Variants in PDE3A observed in about 807,000 individuals in gnomAD.
PDE3A encodes cGMP-inhibited 3',5'-cyclic phosphodiesterase 3A.
In PDE3A, 43 loss-of-function variants were observed where a neutral mutation model predicts 98.3. The observed-to-expected ratio is 0.44, with a 90% CI of 0.34 to 0.56. The LOEUF (loss-of-function observed/expected upper bound fraction) is 0.56, where lower values mean the gene tolerates loss of function less well. PDE3A is among the 20% of genes least tolerant of loss of function. The probability of loss-of-function intolerance (pLI) is 0.01; values close to 1 mark genes in which losing one functional copy is unlikely to be tolerated. For missense variants in PDE3A, 1,427 were observed against 1,440.7 expected, an observed-to-expected ratio of 0.99 and a Z score of 0.15; for synonymous variants, 663 against 567.9, an observed-to-expected ratio of 1.17 and a Z score of -2.38.
chr12:20,654,928 T>A (rs920700360), intron 15 of PDE3A, among the ~76,000 whole-genome samples: 2 of 152,136 alleles, frequency 1.3e-5, no homozygotes, highest in African/African-American at 2.4e-5. Flanking sequence ...GGAGGTAGTA[T>A]TCATTTGTTC....
chr12:20,573,858 G>C (rs866581543), intron 2 of PDE3A, among the ~76,000 whole-genome samples: 1 of 151,964 alleles, frequency 6.6e-6, no homozygotes, highest in African/African-American at 2.4e-5. Context: ...GTCAATCTTC[G>C]AGTAGTGGGT....
chr12:20,387,165 G>T (rs1041610526), intron 1 of PDE3A, among the ~76,000 whole-genome samples: 1 of 152,056 alleles, frequency 6.6e-6, no homozygotes, highest in Admixed American at 6.6e-5. Context: ...TGCTGATTTG[G>T]TTACTGTGGC....
chr12:20,517,181 A>T (rs1485686111), intron 1 of PDE3A, among the ~76,000 whole-genome samples: 1 of 152,238 alleles, frequency 6.6e-6, no homozygotes, highest in Admixed American at 6.5e-5. Flanking sequence ...CTTTCAGAGT[A>T]GCTAGTGCCA....
At chr12:20,611,754 A>C (rs770379054) in intron 2 of PDE3A, among the ~76,000 whole-genome samples, 3 of 151,816 alleles carry the variant, frequency 2.0e-5, no homozygotes, top group Admixed American at 1.3e-4. Flanking sequence ...ATATTTTTCT[A>C]ATTACAAGAA....
chr12:20,373,947 C>T (rs1227920826), intron 1 of PDE3A, among the ~76,000 whole-genome samples: 4 of 152,122 alleles, frequency 2.6e-5, no homozygotes, highest in Admixed American at 2.6e-4. Flanking sequence ...ATGTAGAATA[C>T]ATTGTTTAAA....
intron 1 of PDE3A, chr12:20,371,350 A>C (rs1053820583): frequency 1.0e-6 from 1 of 985,102 alleles, no homozygotes. Flanking sequence ...TGGATTTGAC[A>C]CTTGATGGGG....
intron 1 of PDE3A, among the ~76,000 whole-genome samples, chr12:20,415,181 C>G (rs992741779): frequency 6.6e-6 from 1 of 151,712 alleles, no homozygotes; most frequent in East Asian, 1.9e-4. Flanking sequence ...ACCCTTACCC[C>G]AACCCACAGG....
Position 20,637,084 on chromosome 12 carries a change from A to T in PDE3A, c.2002-16A>T. The T allele has an allele frequency of 6.4e-7, 1 of 1,554,282 alleles. No homozygotes were observed. ...AACTGCATGCTGTTTAAGTATTTTA[A>T]TGTTAAACATTACAGGACAAACCAA... On this transcript the variant is annotated splice_polypyrimidine_tract_variant and intron_variant, in intron 8 of 15. Transcript: ENST00000359062.
chr12:20,506,433 G>A (rs960558864), intron 1 of PDE3A, among the ~76,000 whole-genome samples: 5 of 151,828 alleles, frequency 3.3e-5, no homozygotes, highest in Non-Finnish European at 7.4e-5. Context: ...AGGCTGTGGT[G>A]TTGGGCATTT....
intron 2 of PDE3A, among the ~76,000 whole-genome samples, chr12:20,597,416 T>A (rs1438625495): frequency 6.6e-6 from 1 of 152,206 alleles, no homozygotes; most frequent in Non-Finnish European, 1.5e-5. Flanking sequence ...GGAAATGCTA[T>A]ATTATAGTGA....
chr12:20,670,416 C>T (rs1387438062), intron 15 of PDE3A, among the ~76,000 whole-genome samples: 3 of 152,000 alleles, frequency 2.0e-5, no homozygotes, highest in South Asian at 2.1e-4. Flanking sequence ...CACCACACCA[C>T]ACCTATTCCA....
intron 1 of PDE3A, among the ~76,000 whole-genome samples, chr12:20,556,156 T>G (rs1300032949): frequency 3.3e-5 from 5 of 152,202 alleles, no homozygotes; most frequent in Non-Finnish European, 1.5e-5. Context: ...ATTAAAAATC[T>G]ACGTTTTGTG....
intron 1 of PDE3A, among the ~76,000 whole-genome samples, chr12:20,521,815 G>A (rs1379031398): frequency 6.6e-6 from 1 of 152,174 alleles, no homozygotes; most frequent in Non-Finnish European, 1.5e-5. Flanking sequence ...TACATACAGT[G>A]GAGAGAGTCA....
At chr12:20,482,055 C>A (rs924523373) in intron 1 of PDE3A, among the ~76,000 whole-genome samples, 4 of 152,042 alleles carry the variant, frequency 2.6e-5, no homozygotes, top group African/African-American at 9.7e-5. Flanking sequence ...TGAGCCACCA[C>A]GCTCAGCGAG....
chr12:20,440,502 A>G (rs1944852694), intron 1 of PDE3A, among the ~76,000 whole-genome samples: 1 of 152,148 alleles, frequency 6.6e-6, no homozygotes, highest in Non-Finnish European at 1.5e-5. Context: ...TTCACGTTAC[A>G]ATGATCAAAC....
At chr12:20,623,372 T>G (rs577716796) in intron 5 of PDE3A, among the ~76,000 whole-genome samples, 2 of 152,000 alleles carry the variant, frequency 1.3e-5, no homozygotes, top group Admixed American at 1.3e-4. Context: ...ACCAAAGATA[T>G]ACACAAACAA....
intron 5 of PDE3A, among the ~76,000 whole-genome samples, chr12:20,625,561 A>AT (rs1372083064): frequency 2.6e-5 from 4 of 152,148 alleles, no homozygotes; most frequent in Non-Finnish European, 5.9e-5. Flanking sequence ...CGGGCTATCC[A>AT]TTTTCACCTG....
At chr12:20,536,749 C>G (rs1360822830) in intron 1 of PDE3A, among the ~76,000 whole-genome samples, 1 of 151,994 alleles carries the variant, frequency 6.6e-6, no homozygotes, top group African/African-American at 2.4e-5. Flanking sequence ...AAATAATATT[C>G]CATTGTATGG....
chr12:20,632,947 GGCT>G, intron 6 of PDE3A, among the ~76,000 whole-genome samples: 1 of 116,190 alleles, frequency 8.6e-6, no homozygotes, highest in Non-Finnish European at 1.7e-5. Flanking sequence ...CTAATAATGA[GGCT>G]TTTTTTTTTT....
Sources: allele counts gnomAD v4.1 joint callset (sites outside exome capture counted in the v4.1 genomes callset), GRCh38; gene constraint gnomAD v4.1.1; transcripts MANE v1.5; gene names NCBI Gene and HGNC (gene_info 2026-07-23, HGNC 2026-07-21).